IQCJ: variants seen among roughly 807,000 people sequenced by gnomAD.
IQCJ encodes the protein IQ motif containing J.
Under a neutral mutation model 11.0 loss-of-function variants are expected in IQCJ, and 9 were observed. That is an observed-to-expected ratio of 0.82 (90% CI 0.49 to 1.43). The LOEUF (loss-of-function observed/expected upper bound fraction) is 1.43, where lower values mean the gene tolerates loss of function less well. IQCJ is among the 40% of genes most tolerant of loss of function. The probability of loss-of-function intolerance (pLI) is 0.00; values close to 1 mark genes in which losing one functional copy is unlikely to be tolerated. For synonymous variants in IQCJ, 55 were observed against 51.3 expected (o/e 1.07, Z -0.31); for missense variants, 146 against 133.2 (o/e 1.10, Z -0.47).
At chr3:159,108,557 C>CT (rs1216407887) in intron 1 of IQCJ, among the ~76,000 whole-genome samples, 1 of 152,180 alleles carries the variant, frequency 6.6e-6, no homozygotes, top group African/African-American at 2.4e-5. Context: ...ACCTTATACT[C>CT]TATCAGTTAC....
chr3:159,233,768 A>C (rs762786020), intron 1 of IQCJ, among the ~76,000 whole-genome samples: 6 of 152,170 alleles, frequency 3.9e-5, no homozygotes, highest in Non-Finnish European at 8.8e-5. Context: ...TGTGACACTT[A>C]AGGAATCTCT....
At chr3:159,166,160 A>G (rs1438255035) in intron 1 of IQCJ, among the ~76,000 whole-genome samples, 2 of 152,190 alleles carry the variant, frequency 1.3e-5, no homozygotes, top group Non-Finnish European at 2.9e-5. Flanking sequence ...AAAAAATCCA[A>G]ACAAACCTTC....
At chr3:159,088,504 A>C (rs1716972332) in intron 1 of IQCJ, among the ~76,000 whole-genome samples, 1 of 152,068 alleles carries the variant, frequency 6.6e-6, no homozygotes. Flanking sequence ...GATCTGTCTA[A>C]TGTTGACAGT....
intron 1 of IQCJ, among the ~76,000 whole-genome samples, chr3:159,132,295 G>A (rs1197829663): frequency 6.6e-6 from 1 of 152,118 alleles, no homozygotes; most frequent in Non-Finnish European, 1.5e-5. Flanking sequence ...AAGTAACTAA[G>A]AAGTGTGATT....
At chr3:159,166,131 C>T (rs537620835) in intron 1 of IQCJ, among the ~76,000 whole-genome samples, 23 of 151,384 alleles carry the variant, frequency 1.5e-4, no homozygotes, top group Non-Finnish European at 3.1e-4. Flanking sequence ...GCTAAGCAAC[C>T]GTTTCCACTG....
chr3:159,160,161 A>G (rs1721754556), intron 1 of IQCJ, among the ~76,000 whole-genome samples: 1 of 152,218 alleles, frequency 6.6e-6, no homozygotes, highest in Non-Finnish European at 1.5e-5. Flanking sequence ...GAGGTTCGGC[A>G]AAACTTAGCA....
At chr3:159,250,555 C>G (rs764760322) in intron 2 of IQCJ, among the ~76,000 whole-genome samples, 16 of 152,132 alleles carry the variant, frequency 1.1e-4, no homozygotes, top group Non-Finnish European at 1.9e-4. Flanking sequence ...GCTGGGGGCG[C>G]CTCAGGAAAC....
At chr3:159,182,928 C>T (rs950693839) in intron 1 of IQCJ, among the ~76,000 whole-genome samples, 2 of 151,998 alleles carry the variant, frequency 1.3e-5, no homozygotes, top group African/African-American at 4.8e-5. Flanking sequence ...TTAGTTTTTA[C>T]TTTTTCTTTC....
At chr3:159,118,581 G>C (rs895543302) in intron 1 of IQCJ, among the ~76,000 whole-genome samples, 2 of 152,194 alleles carry the variant, frequency 1.3e-5, no homozygotes, top group Non-Finnish European at 2.9e-5. Flanking sequence ...CTAGCTCAAG[G>C]TTACAGCTAG....
At chr3:159,163,399 A>C (rs1345964732) in intron 1 of IQCJ, among the ~76,000 whole-genome samples, 1 of 152,178 alleles carries the variant, frequency 6.6e-6, no homozygotes, top group East Asian at 1.9e-4. Flanking sequence ...ACTCTCAATA[A>C]ATTAGGTATT....
intron 1 of IQCJ, among the ~76,000 whole-genome samples, chr3:159,154,942 C>T (rs1033180979): frequency 6.6e-6 from 1 of 152,028 alleles, no homozygotes; most frequent in African/African-American, 2.4e-5. Context: ...CCATCTTATT[C>T]TTTCTCCTTC....
intron 1 of IQCJ, among the ~76,000 whole-genome samples, chr3:159,195,027 T>A (rs1287451284): frequency 6.6e-6 from 1 of 152,014 alleles, no homozygotes; most frequent in Non-Finnish European, 1.5e-5. Context: ...ATGAGAATCA[T>A]TTGAACCCGG....
intron 1 of IQCJ, among the ~76,000 whole-genome samples, chr3:159,086,126 T>C (rs1716747075): frequency 6.6e-6 from 1 of 152,222 alleles, no homozygotes; most frequent in African/African-American, 2.4e-5. Flanking sequence ...GTTTCAGCTT[T>C]CTACATATGG....
At chr3:159,086,229 A>G (rs965553778) in intron 1 of IQCJ, among the ~76,000 whole-genome samples, 1 of 151,962 alleles carries the variant, frequency 6.6e-6, no homozygotes, top group South Asian at 2.1e-4. Context: ...ATAGTTGTAG[A>G]TATGTGTCGT....
chr3:159,241,518 A>T (rs1726923627), intron 1 of IQCJ, among the ~76,000 whole-genome samples: 1 of 152,186 alleles, frequency 6.6e-6, no homozygotes, highest in Admixed American at 6.5e-5. Context: ...TCACAGCATC[A>T]CCCTGGCTCT....
At position 159,263,337 on chromosome 3, in the gene IQCJ, T is replaced by G; in HGVS notation, c.*606T>G. The G allele has an allele frequency of 1.7e-6, 1 of 602,818 alleles. No individual in the cohort carries two copies. Among genetic ancestry groups the G allele is most frequent in the Non-Finnish European group, 2.1e-6 (1 of 480,816 alleles). 37.3% of individuals were successfully genotyped at this position (602,818 alleles called of 1,614,324 possible). A position where few individuals can be genotyped will look rare whatever the true frequency, so the allele number is the denominator to read the frequency against. ...AGTGTTAGCAGCCAGTAAGAAAATT[T>G]AAAAGGTAAAGTAAGCATGCCTACA... is the stretch of plus-strand genomic sequence containing the variant. On this transcript the variant is annotated 3_prime_UTR_variant, in exon 4 of 4. Coordinates refer to ENST00000397832, the MANE Select transcript of IQCJ (RefSeq NM_001042706.3).
chr3:159,246,573 G>A (rs1228124439), intron 2 of IQCJ, among the ~76,000 whole-genome samples: 1 of 152,168 alleles, frequency 6.6e-6, no homozygotes, highest in Admixed American at 6.5e-5. Context: ...TCAATCACTG[G>A]CTGAGCCCTA....
At chr3:159,198,651 G>T (rs934476466) in intron 1 of IQCJ, among the ~76,000 whole-genome samples, 1 of 152,166 alleles carries the variant, frequency 6.6e-6, no homozygotes, top group Non-Finnish European at 1.5e-5. Flanking sequence ...TCACATGAAA[G>T]GTATTGGCTG....
rs145025966 is a variant in IQCJ at position 159,244,904 on chromosome 3, G to C, written c.10-939G>C. 4.7e-3 allele frequency among the ~76,000 whole-genome samples: 711 copies of C among 152,252 alleles called. 4 individuals carry two copies. The highest frequency in any genetic ancestry group is 8.0e-3 in the Non-Finnish European group (541 of 68,016). On this transcript the variant is annotated intron_variant, in intron 1 of 3. Coordinates refer to ENST00000397832, the MANE Select transcript of IQCJ (RefSeq NM_001042706.3). ...GACAATTTCTGGTGGGGGGTAAGTG[G>C]TGTGGTAAATGGTATGGTAGATAGT...
Sources: allele counts gnomAD v4.1 joint callset (sites outside exome capture counted in the v4.1 genomes callset), GRCh38; gene constraint gnomAD v4.1.1; transcripts MANE v1.5; gene names NCBI Gene and HGNC (gene_info 2026-07-23, HGNC 2026-07-21).